FAT1: variants seen among roughly 807,000 people sequenced by gnomAD.
FAT1 encodes FAT atypical cadherin 1.
FAT1 carries 171 observed loss-of-function variants against 329.8 expected under a neutral mutation model. That is an observed-to-expected ratio of 0.52 (90% CI 0.46 to 0.59). The LOEUF is 0.59. Among genes scored for constraint, FAT1 ranks in the 20% least tolerant of loss-of-function variants. The pLI, the probability that FAT1 is intolerant of heterozygous loss-of-function variation, is 0.00. For synonymous variants in FAT1, 2,233 were observed against 2,228.6 expected, an observed-to-expected ratio of 1.00 and a Z score of -0.06; for missense variants, 5,672 against 5,774.4, an observed-to-expected ratio of 0.98 and a Z score of 0.57.
chr4:186,708,351 C>G lies in FAT1; in HGVS notation c.1477G>C (p.Gly493Arg), dbSNP rs748483794. The change falls in exon 2 of 27, where the codon GGT (glycine) becomes CGT (arginine). Residue 493 changes from glycine to arginine, a missense_variant. By Grantham distance (125) the Gly-to-Arg change is moderately radical (BLOSUM62 -2). Coordinates refer to ENST00000441802, the MANE Select transcript of FAT1 (RefSeq NM_005245.4). ...MSLSAVDPDE[G>R]ENGYVTYSIA... The stretch of plus-strand genomic sequence containing the variant: ...CTGTATGTCACGTACCCGTTCTCAC[C>G]CTCATCAGGGTCTACGGCACTCAGG... 1.2e-6 allele frequency: 2 copies of G among 1,613,902 alleles called. No homozygotes were observed. The highest frequency in any genetic ancestry group is 8.5e-7 in the Non-Finnish European group (1 of 1,179,836).
chr4:186,611,648 G>C lies in FAT1; in HGVS notation c.9591C>G (p.Leu3197=), dbSNP rs747439801. 2 of 1,613,220 alleles carry C rather than the reference G, an allele frequency of 1.2e-6. No individual in the cohort carries two copies. Among genetic ancestry groups the C allele is most frequent in the Non-Finnish European group, 1.7e-6 (2 of 1,179,546 alleles). ...AGCCTTGATCCACAGCTTTCAAAGAGAGGGTGTATACTGCCTGGAGTTCTC... is the reference window on the plus strand; with the variant it reads ...AGCCTTGATCCACAGCTTTCAAAGACAGGGTGTATACTGCCTGGAGTTCTC... The part of the protein sequence containing the change: ...LDRELQAVYT[L]SLKAVDQGLP... Residue 3197 remains leucine (L), a synonymous_variant, in exon 14 of 27, where the codon CTC becomes CTG. Coordinates refer to ENST00000441802, the MANE Select transcript of FAT1 (RefSeq NM_005245.4).
chr4:186,685,475 A>G (rs1275627520), intron 2 of FAT1, among the ~76,000 whole-genome samples: 2 of 152,198 alleles, frequency 1.3e-5, no homozygotes, highest in Non-Finnish European at 2.9e-5. Context: ...TCTAACCAGC[A>G]TATGTGGCCT....
Position 186,588,680 on chromosome 4 carries a change from A to G in FAT1, c.13679T>C (p.Met4560Thr), listed in dbSNP as rs2126348126. ...GTCCCCGCTCTCATAGTCACTCATC[A>G]TGACCTCGGACTCCACTTCGCAGCA... Reference protein sequence around the residue: ...SACCEVESEVMMSDYESGDDG... With the variant: ...SACCEVESEVTMSDYESGDDG... The change falls in exon 27 of 27, where the codon ATG becomes ACG. Residue 4560 changes from methionine (M) to threonine (T), a missense_variant. Around this residue, in one of 2 missense-constraint regions of FAT1, gnomAD observed 1,706 missense variants for 1,859.1 expected, o/e 0.92. Coordinates refer to ENST00000441802, the MANE Select transcript of FAT1 (RefSeq NM_005245.4). 1 of 1,613,884 alleles carries G rather than the reference A, an allele frequency of 6.2e-7. No individual in the cohort carries two copies. The highest frequency in any genetic ancestry group is 8.5e-7 in the Non-Finnish European group (1 of 1,179,878).
At chr4:186,661,133 G>A (rs1280646137) in intron 3 of FAT1, among the ~76,000 whole-genome samples, 1 of 152,174 alleles carries the variant, frequency 6.6e-6, no homozygotes, top group Non-Finnish European at 1.5e-5. Flanking sequence ...GTGGGGAGGG[G>A]TACATATTTG....
intron 3 of FAT1, among the ~76,000 whole-genome samples, chr4:186,652,077 A>G (rs755297307): frequency 1.3e-5 from 2 of 152,228 alleles, no homozygotes; most frequent in Non-Finnish European, 2.9e-5. Context: ...CTAAAGTCAC[A>G]TGGGGAGTCA....
At chr4:186,685,513 T>C (rs1386515908) in intron 2 of FAT1, among the ~76,000 whole-genome samples, 1 of 152,254 alleles carries the variant, frequency 6.6e-6, no homozygotes, top group East Asian at 1.9e-4. Context: ...TCTGATTATA[T>C]TCCTTAGGTA....
intron 1 of FAT1, among the ~76,000 whole-genome samples, chr4:186,711,877 G>A (rs536133371): frequency 4.1e-4 from 62 of 152,248 alleles, no homozygotes; most frequent in Non-Finnish European, 7.5e-4. Flanking sequence ...CCGAGATCGC[G>A]CCACTGCACT....
chr4:186,698,692 C>G (rs887874184), intron 2 of FAT1, among the ~76,000 whole-genome samples: 2 of 152,154 alleles, frequency 1.3e-5, no homozygotes, highest in Non-Finnish European at 2.9e-5. Flanking sequence ...TGCACAGGAG[C>G]CAGTGAGGGA....
chr4:186,603,860 C>T lies in FAT1; in HGVS notation c.10666G>A (p.Gly3556Arg), dbSNP rs375311684. The T allele has an allele frequency of 1.2e-6, 2 of 1,613,910 alleles. No homozygotes were observed. Among genetic ancestry groups the T allele is most frequent in the South Asian group, 1.1e-5 (1 of 91,086 alleles). ...ATGACGCCACCTGAGTATTCTTCTCCAGAAGAGGTGATGAAAATCTCCAGG... is the reference window on the plus strand; with the variant it reads ...ATGACGCCACCTGAGTATTCTTCTCTAGAAGAGGTGATGAAAATCTCCAGG... Reference protein sequence around the residue: ...LPLEIFITSSGEEYSGGVIGK... With the variant: ...LPLEIFITSSREEYSGGVIGK... Residue 3556 changes from glycine to arginine, a missense_variant, in exon 19 of 27, where the codon GGA (glycine) becomes AGA (arginine). Gly to Arg is a moderately radical substitution (Grantham distance 125). This residue lies in a region of FAT1 where 1,706 missense variants were observed against 1,859.1 expected (regional missense o/e 0.92). Transcript: ENST00000441802.
In FAT1 at chr4:186,706,828, A is replaced by T. The variant is rs372907392; in HGVS notation, c.3000T>A (p.Thr1000=). ...DFEKKQVYNL[T]VRAKDKGKPV... Reference sequence around the variant, plus strand: ...GCTTTCCCTTGTCTTTGGCCCTCACAGTGAGATTATACACTTGCTTCTTCT... The same window carrying T: ...GCTTTCCCTTGTCTTTGGCCCTCACTGTGAGATTATACACTTGCTTCTTCT... Residue 1000 remains threonine, a synonymous_variant, in exon 2 of 27, where the codon ACT becomes ACA. Transcript: ENST00000441802. 1 of 1,613,988 alleles carries T rather than the reference A, an allele frequency of 6.2e-7. No individual in the cohort carries two copies. Among genetic ancestry groups the T allele is most frequent in the Non-Finnish European group, 8.5e-7 (1 of 1,179,888 alleles).
intron 6 of FAT1, among the ~76,000 whole-genome samples, chr4:186,634,232 G>C (rs1740721413): frequency 6.6e-6 from 1 of 151,978 alleles, no homozygotes; most frequent in African/African-American, 2.4e-5. Flanking sequence ...TAATAAAATA[G>C]CTATTAAAAA....
intron 3 of FAT1, among the ~76,000 whole-genome samples, chr4:186,652,040 A>C (rs1741688996): frequency 6.6e-6 from 1 of 152,220 alleles, no homozygotes; most frequent in African/African-American, 2.4e-5. Context: ...CAAAGAAAAC[A>C]CTAATAAAAT....
In FAT1 at chr4:186,636,794, G is replaced by A. The variant is rs767588205; in HGVS notation, c.3763C>T (p.Pro1255Ser). Residue 1255 changes from proline to serine, a missense_variant, in exon 5 of 27, where the codon CCT becomes TCT. Transcript: ENST00000441802. ...TCTCGGTCTGGCTTTTCCCGCTCAG[G>A]GAGTCTGATTTTGTAGAACTTTTGC... ...FLQKFYKIRLPEREKPDRERN... is the reference protein window; with the variant it reads ...FLQKFYKIRLSEREKPDRERN... The A allele has an allele frequency of 1.9e-6, 3 of 1,613,864 alleles. No homozygotes were observed. In the South Asian group the frequency reaches 3.3e-5, roughly 18 times the overall value.
chr4:186,639,076 A>G (rs1740975292), intron 4 of FAT1, among the ~76,000 whole-genome samples: 1 of 152,240 alleles, frequency 6.6e-6, no homozygotes, highest in Non-Finnish European at 1.5e-5. Context: ...TGACCAATAC[A>G]TGATAACAAG....
intron 1 of FAT1, among the ~76,000 whole-genome samples, chr4:186,710,918 T>C (rs1324483598): frequency 2.0e-5 from 3 of 152,154 alleles, no homozygotes; most frequent in African/African-American, 7.2e-5. Flanking sequence ...AATGGGAAGG[T>C]GGGCGAAGTC....
intron 2 of FAT1, among the ~76,000 whole-genome samples, chr4:186,683,693 C>T (rs1185231405): frequency 3.3e-5 from 5 of 152,114 alleles, no homozygotes; most frequent in African/African-American, 1.2e-4. Context: ...CATTTCCCCA[C>T]AACCTCCTCC....
chr4:186,630,966 G>A (rs1387967206), intron 7 of FAT1, among the ~76,000 whole-genome samples: 1 of 152,214 alleles, frequency 6.6e-6, no homozygotes, highest in Non-Finnish European at 1.5e-5. Context: ...ATCAATGGCG[G>A]TCAGCATCCT....
chr4:186,625,124 A>G (rs777131052), intron 9 of FAT1, among the ~76,000 whole-genome samples: 1 of 152,204 alleles, frequency 6.6e-6, no homozygotes, highest in African/African-American at 2.4e-5. Flanking sequence ...CAACAATCAT[A>G]TTTTAACCAC....
intron 14 of FAT1, among the ~76,000 whole-genome samples, chr4:186,610,626 A>AT (rs1375836695): frequency 8.3e-6 from 1 of 119,820 alleles, no homozygotes; most frequent in Non-Finnish European, 1.7e-5. Flanking sequence ...ATATAAATAT[A>AT]AATTATATAA....
Sources: allele counts gnomAD v4.1 joint callset (sites outside exome capture counted in the v4.1 genomes callset), GRCh38; gene constraint gnomAD v4.1.1; regional missense constraint gnomAD v4.1.1; transcripts MANE v1.5; gene names NCBI Gene and HGNC (gene_info 2026-07-23, HGNC 2026-07-21).